SHANK2: variants seen among roughly 807,000 people sequenced by gnomAD.
SHANK2 encodes the protein SH3 and multiple ankyrin repeat domains 2.
SHANK2 carries 43 observed loss-of-function variants against 133.7 expected under a neutral mutation model. The ratio of observed to expected loss-of-function variants is 0.32; its 90% CI spans 0.25 to 0.41. The LOEUF is 0.41. Ranked by LOEUF, SHANK2 falls within the 10% of genes least tolerant of loss-of-function variation. The pLI is 1.00. For missense variants in SHANK2, 1,994 were observed against 2,235.8 expected, an observed-to-expected ratio of 0.89 and a Z score of 2.18; for synonymous variants, 1,017 against 952.8, an observed-to-expected ratio of 1.07 and a Z score of -1.24.
rs1948096783 is a variant in SHANK2 at position 70,803,403 on chromosome 11, C to T, written c.1663+3599G>A. Among the ~76,000 whole-genome samples, 3 of 150,474 alleles carry T rather than the reference C, an allele frequency of 2.0e-5. No homozygotes were observed. The South Asian group carries it at 6.4e-4, about 32-fold the overall frequency. ...CCACCCAGCCATCCAGCCATTTCAT[C>T]CATCCATCATCTATCCCATTCCAAG... is the stretch of plus-strand genomic sequence containing the variant. On this transcript the variant is annotated intron_variant, in intron 13 of 25. Transcript: ENST00000601538.
intron 14 of SHANK2, among the ~76,000 whole-genome samples, chr11:70,752,524 G>A (rs1183732464): frequency 6.6e-6 from 1 of 152,008 alleles, no homozygotes; most frequent in Non-Finnish European, 1.5e-5. Flanking sequence ...CGAGACCACG[G>A]TGAAAGCCCG....
rs1311865397 is a variant in SHANK2, at chr11:70,820,507, C to A, written c.1350G>T (p.Leu450=). The A allele has an allele frequency of 2.8e-6, 2 of 716,986 alleles. No individual in the cohort carries two copies. Among genetic ancestry groups the A allele is most frequent in the Non-Finnish European group, 5.2e-6 (2 of 384,792 alleles). The allele number at this position is 716,986 out of a possible 1,614,324, so 44.4% of individuals were successfully genotyped here. ...TSHRSLSPQL[L]QQMPSKPEGA... is the part of the protein sequence containing the mutation. ...CCTCGGGCTTGCTGGGCATCTGCTG[C>A]AGCAGCTGGGGTGACAGGCTGCGGT... is the stretch of plus-strand genomic sequence containing the variant. The change falls in exon 12 of 26, where the codon CTG becomes CTT. Residue 450 remains leucine (L), a synonymous_variant. Coordinates refer to ENST00000601538, the MANE Select transcript of SHANK2 (RefSeq NM_012309.5).
intron 1 of SHANK2, among the ~76,000 whole-genome samples, chr11:71,245,633 C>T (rs759713894): frequency 3.9e-5 from 6 of 152,194 alleles, no homozygotes; most frequent in African/African-American, 1.4e-4. Flanking sequence ...AGTGGGCAGC[C>T]GCCAGGTGTG....
intron 10 of SHANK2, among the ~76,000 whole-genome samples, chr11:70,919,884 G>T (rs182563937): frequency 6.6e-6 from 1 of 152,086 alleles, no homozygotes; most frequent in Admixed American, 6.5e-5. Context: ...TATGTCCTCC[G>T]GGCTCATTCC....
chr11:70,682,163 C>G (rs10899374), intron 15 of SHANK2, among the ~76,000 whole-genome samples: 53,200 of 152,078 alleles, frequency 0.35, 10,814 homozygotes, highest in Non-Finnish European at 0.46. Context: ...ACCACAAGGC[C>G]GGGCCAGGGC....
intron 2 of SHANK2, among the ~76,000 whole-genome samples, chr11:71,202,869 A>G (rs1954045263): frequency 6.6e-6 from 1 of 152,242 alleles, no homozygotes; most frequent in Non-Finnish European, 1.5e-5. Flanking sequence ...GCACTGACCC[A>G]GGGTCAAAGC....
chr11:70,860,697 G>T (rs974126479), intron 11 of SHANK2, among the ~76,000 whole-genome samples: 2 of 152,078 alleles, frequency 1.3e-5, no homozygotes, highest in Non-Finnish European at 2.9e-5. Context: ...AATGAAATGC[G>T]AGCATGCATT....
At chr11:70,907,773 C>T (rs79477765) in intron 10 of SHANK2, 14,179 of 348,924 alleles carry the variant, frequency 0.041, 593 homozygotes, top group African/African-American at 0.11. Flanking sequence ...TTTATCAAGA[C>T]ACATCGGATA....
intron 10 of SHANK2, among the ~76,000 whole-genome samples, chr11:70,933,712 G>A (rs1159475195): frequency 2.0e-5 from 3 of 152,094 alleles, no homozygotes; most frequent in African/African-American, 7.2e-5. Context: ...ATGAGGTCAG[G>A]AGTTCAAGAC....
At chr11:70,886,436 A>G (rs1949747820) in intron 11 of SHANK2, among the ~76,000 whole-genome samples, 1 of 152,224 alleles carries the variant, frequency 6.6e-6, no homozygotes, top group Non-Finnish European at 1.5e-5. Context: ...TAATGAAATG[A>G]AATAGGTGAG....
intron 2 of SHANK2, among the ~76,000 whole-genome samples, chr11:71,167,647 G>A (rs1953195477): frequency 6.8e-6 from 1 of 147,826 alleles, no homozygotes; most frequent in African/African-American, 2.5e-5. Flanking sequence ...TTCCCGGACA[G>A]GACAGCTGGC....
intron 6 of SHANK2, among the ~76,000 whole-genome samples, chr11:71,103,676 G>A (rs1951755368): frequency 6.6e-6 from 1 of 152,160 alleles, no homozygotes; most frequent in Admixed American, 6.5e-5. Flanking sequence ...TGTAATCTCC[G>A]GGGTTGGAGG....
At chr11:70,714,510 G>A (rs1158816603) in intron 14 of SHANK2, among the ~76,000 whole-genome samples, 1 of 152,204 alleles carries the variant, frequency 6.6e-6, no homozygotes, top group African/African-American at 2.4e-5. Context: ...AGGTTAAATG[G>A]TATTCCTCTA....
Position 70,562,026 on chromosome 11 carries a change from A to G in SHANK2, c.2062-59095T>C, listed in dbSNP as rs985455220. On this transcript the variant is annotated intron_variant, in intron 17 of 25. Coordinates refer to ENST00000601538, the MANE Select transcript of SHANK2 (RefSeq NM_012309.5). Reference sequence around the variant, plus strand: ...TTTCATTTGGTTCCAATATTTTCTAATTTCCCATTTGATTTCTACTTTGAT... The same window carrying G: ...TTTCATTTGGTTCCAATATTTTCTAGTTTCCCATTTGATTTCTACTTTGAT... Among the ~76,000 whole-genome samples the G allele has an allele frequency of 2.0e-5, 3 of 152,176 alleles. 1 individual carries two copies. Among genetic ancestry groups the G allele is most frequent in the East Asian group, 3.9e-4 (2 of 5,182 alleles).
At position 71,163,093 on chromosome 11, in the gene SHANK2, A is replaced by AAACATATATATATATATATATAT; in HGVS notation, c.-12-15756_-12-15755insATATATATATATATATATATGTT. On this transcript the variant is annotated intron_variant, in intron 2 of 25. Coordinates refer to ENST00000601538, the MANE Select transcript of SHANK2 (RefSeq NM_012309.5). ...GTCTAAAAAAAAAAAAAAAAAAAAA[A>AAACATATATATATATATATATAT]ATACATATATATATATATACAGAAT... Among the ~76,000 whole-genome samples the AAACATATATATATATATATATAT allele has an allele frequency of 3.4e-3, 290 of 84,620 alleles. 21 individuals carry two copies. Among genetic ancestry groups the AAACATATATATATATATATATAT allele is most frequent in the South Asian group, 7.9e-3 (13 of 1,644 alleles). The allele number at this position is 84,620 out of a possible 152,430, so 55.5% of individuals were successfully genotyped here.
chr11:71,145,794 G>A (rs1394719015), intron 3 of SHANK2, among the ~76,000 whole-genome samples: 8 of 85,862 alleles, frequency 9.3e-5, no homozygotes, highest in East Asian at 8.3e-4. Context: ...GGCTGGGGCC[G>A]GGAGACTGTA....
rs1555153266 is a variant in SHANK2 at position 70,486,121 on chromosome 11, A to C, written c.4172T>G (p.Ile1391Ser). ...MEEAVILPFR[I>S]PPPPLASVDL... ...CACGGATGCCAGAGGGGGAGGAGGG[A>C]TGCGGAATGGCAAAATCACCGCCTC... is the stretch of plus-strand genomic sequence containing the variant. Residue 1391 changes from isoleucine to serine, a missense_variant, in exon 25 of 26, where the codon ATC becomes AGC. This residue lies in a region of SHANK2 where 797 missense variants were observed against 907.4 expected (regional missense o/e 0.88). Transcript: ENST00000601538. This position sits in a 1 kb window ranked among gnomAD's most constrained non-coding sequence, Gnocchi z 8.0. 1.2e-6 allele frequency: 2 copies of C among 1,614,004 alleles called. No individual in the cohort carries two copies. The highest frequency in any genetic ancestry group is 1.7e-6 in the Non-Finnish European group (2 of 1,179,982).
Position 70,898,402 on chromosome 11 carries a change from C to T in SHANK2, c.1108-1835G>A, listed in dbSNP as rs934707425. Among the ~76,000 whole-genome samples, 10 of 151,454 alleles carry T rather than the reference C, an allele frequency of 6.6e-5. No individual in the cohort carries two copies. In the East Asian group the frequency reaches 1.9e-3, roughly 29 times the overall value. ...AATATCTAAAAATATTATGGAAATG[C>T]TTTGGAACTGGGTAATGATTACAGG... On this transcript the variant is annotated intron_variant, in intron 10 of 25. Coordinates refer to ENST00000601538, the MANE Select transcript of SHANK2 (RefSeq NM_012309.5).
intron 14 of SHANK2, among the ~76,000 whole-genome samples, chr11:70,745,694 C>A (rs1555035870): frequency 6.6e-6 from 1 of 152,170 alleles, no homozygotes; most frequent in Non-Finnish European, 1.5e-5. Context: ...CTGGCCCCCA[C>A]CTGGCCCAGG....
Sources: gnomAD v4.1 joint callset for allele counts (sites outside exome capture counted in the v4.1 genomes callset) on GRCh38, gnomAD v4.1.1 for gene constraint, gnomAD v4.1.1 regional missense constraint, Gnocchi (gnomAD v3.1) non-coding constraint, MANE v1.5 for transcripts, NCBI Gene and HGNC (gene_info 2026-07-23, HGNC 2026-07-21) for gene names.